GHR: variants seen among roughly 807,000 people sequenced by gnomAD.
The protein encoded by GHR is GH receptor.
In GHR, 35 loss-of-function variants were observed where a neutral mutation model predicts 67.1. The ratio of observed to expected loss-of-function variants is 0.52; its 90% CI spans 0.40 to 0.69. The LOEUF is 0.69. Ranked by LOEUF, GHR falls within the 30% of genes least tolerant of loss-of-function variation. GHR has a pLI of 0.00. For synonymous variants in GHR, 272 were observed against 269.1 expected (o/e 1.01, Z -0.10); for missense variants, 792 against 764.6 (o/e 1.04, Z -0.42).
chr5:42,549,812 T>A, intron 1 of GHR: 1 of 252,532 alleles, frequency 4.0e-6, no homozygotes, highest in Middle Eastern at 2.0e-3. Context: ...GTGGTGTCAG[T>A]GTGAAGAATA....
At chr5:42,452,328 T>G (rs1274524174) in intron 1 of GHR, among the ~76,000 whole-genome samples, 1 of 152,196 alleles carries the variant, frequency 6.6e-6, no homozygotes, top group African/African-American at 2.4e-5. Context: ...TCACAGCTCT[T>G]GATTTTTTCC....
intron 2 of GHR, among the ~76,000 whole-genome samples, chr5:42,600,311 G>A (rs1167676733): frequency 2.6e-5 from 4 of 152,228 alleles, no homozygotes; most frequent in African/African-American, 9.6e-5. Context: ...GAGAGAGAAA[G>A]GATGTAAGAG....
At chr5:42,550,822 C>G (rs1020767651) in intron 1 of GHR, among the ~76,000 whole-genome samples, 2 of 152,080 alleles carry the variant, frequency 1.3e-5, no homozygotes, top group Non-Finnish European at 2.9e-5. Context: ...AGGTGGAGCC[C>G]AGGCAGAATT....
In GHR at chr5:42,533,062, G is replaced by A. The variant is rs1258780053; in HGVS notation, c.-11-32802G>A. ...GTTTCCACTCCTACCAGCAATGAAT[G>A]AGAACTTTGTTTCGCAGGTCATTGC... On this transcript the variant is annotated intron_variant, in intron 1 of 9. Coordinates refer to ENST00000230882, the MANE Select transcript of GHR (RefSeq NM_000163.5). Among the ~76,000 whole-genome samples, 3 of 152,122 alleles carry A rather than the reference G, an allele frequency of 2.0e-5. No homozygotes were observed. In the East Asian group the frequency reaches 5.8e-4, roughly 29 times the overall value.
At chr5:42,714,393 G>A (rs1261268636) in intron 8 of GHR, among the ~76,000 whole-genome samples, 3 of 152,120 alleles carry the variant, frequency 2.0e-5, no homozygotes, top group African/African-American at 2.4e-5. Flanking sequence ...TTGAAAATAC[G>A]TTCTCCAGCT....
At chr5:42,691,839 C>T (rs187160109) in intron 4 of GHR, among the ~76,000 whole-genome samples, 63 of 152,346 alleles carry the variant, frequency 4.1e-4, no homozygotes, top group African/African-American at 1.3e-3. Context: ...CCTGTGATGA[C>T]GATAGTGCCA....
intron 2 of GHR, among the ~76,000 whole-genome samples, chr5:42,626,092 C>G (rs1343397118): frequency 6.6e-6 from 1 of 152,140 alleles, no homozygotes; most frequent in African/African-American, 2.4e-5. Flanking sequence ...AAAATCGGAA[C>G]TTAGTCCTCG....
At chr5:42,569,540 C>A (rs4410646) in intron 2 of GHR, among the ~76,000 whole-genome samples, 137,149 of 152,162 alleles carry the variant, frequency 0.9, 62,308 homozygotes, top group African/African-American at 0.98. Flanking sequence ...CATATCCAGC[C>A]AGTAATAGTC....
At chr5:42,563,493 C>T (rs1455305436) in intron 1 of GHR, among the ~76,000 whole-genome samples, 1 of 151,966 alleles carries the variant, frequency 6.6e-6, no homozygotes, top group Non-Finnish European at 1.5e-5. Flanking sequence ...TGGCGGGCGC[C>T]TGTAGTCCCA....
At chr5:42,464,717 C>A (rs1744651943) in intron 1 of GHR, among the ~76,000 whole-genome samples, 1 of 152,156 alleles carries the variant, frequency 6.6e-6, no homozygotes, top group South Asian at 2.1e-4. Flanking sequence ...AACCCTAGGA[C>A]ATCCCTAGAG....
intron 3 of GHR, among the ~76,000 whole-genome samples, chr5:42,645,596 C>T (rs1305164744): frequency 2.6e-5 from 4 of 152,194 alleles, no homozygotes; most frequent in African/African-American, 9.7e-5. Flanking sequence ...AGCTTTCAAG[C>T]TTGTGTATAC....
At chr5:42,632,420 C>T (rs1004254628) in intron 3 of GHR, among the ~76,000 whole-genome samples, 13 of 152,172 alleles carry the variant, frequency 8.5e-5, no homozygotes, top group African/African-American at 2.7e-4. Flanking sequence ...ATGGTCAAAC[C>T]AGACCAGCTA....
intron 1 of GHR, among the ~76,000 whole-genome samples, chr5:42,560,917 G>C (rs184285970): frequency 6.6e-6 from 1 of 152,110 alleles, no homozygotes; most frequent in African/African-American, 2.4e-5. Flanking sequence ...CATGAAGGGC[G>C]GCTGTACCCT....
chr5:42,477,825 C>G (rs1418764638), intron 1 of GHR, among the ~76,000 whole-genome samples: 1 of 152,146 alleles, frequency 6.6e-6, no homozygotes, highest in Admixed American at 6.5e-5. Context: ...TTCTCCCATT[C>G]TGTAGGTTGC....
At chr5:42,683,359 C>A (rs1365675713) in intron 3 of GHR, among the ~76,000 whole-genome samples, 1 of 152,176 alleles carries the variant, frequency 6.6e-6, no homozygotes, top group Non-Finnish European at 1.5e-5. Flanking sequence ...TGGCCAGAGG[C>A]CATGCTTAGT....
intron 3 of GHR, among the ~76,000 whole-genome samples, chr5:42,654,524 G>C (rs139035266): frequency 6.6e-6 from 1 of 152,028 alleles, no homozygotes; most frequent in East Asian, 1.9e-4. Context: ...ATATTACACT[G>C]TCTTCCAAAT....
At chr5:42,648,243 C>T (rs558263918) in intron 3 of GHR, among the ~76,000 whole-genome samples, 1 of 152,110 alleles carries the variant, frequency 6.6e-6, no homozygotes, top group Non-Finnish European at 1.5e-5. Flanking sequence ...TACAAGTGTT[C>T]TAGGAATCTG....
At chr5:42,596,177 A>T (rs1423983750) in intron 2 of GHR, among the ~76,000 whole-genome samples, 2 of 152,162 alleles carry the variant, frequency 1.3e-5, no homozygotes, top group African/African-American at 4.8e-5. Context: ...ATGACTACTT[A>T]TTGGCTGCTG....
At chr5:42,474,249 A>AAGACAGACAGACAGAC in intron 1 of GHR, among the ~76,000 whole-genome samples, 1 of 122,552 alleles carries the variant, frequency 8.2e-6, no homozygotes, top group African/African-American at 3.4e-5. Context: ...AAGAGAGAGA[A>AAGACAGACAGACAGAC]AGACAGACAG....
Sources: allele counts gnomAD v4.1 joint callset (sites outside exome capture counted in the v4.1 genomes callset), GRCh38; gene constraint gnomAD v4.1.1; transcripts MANE v1.5; gene names NCBI Gene and HGNC (gene_info 2026-07-23, HGNC 2026-07-21).